Variants in PHLPP1 observed in about 807,000 individuals in gnomAD.
The protein encoded by PHLPP1 is PH domain leucine-rich repeat-containing protein phosphatase 1.
Under a neutral mutation model 117.2 loss-of-function variants are expected in PHLPP1, and 42 were observed. The ratio of observed to expected loss-of-function variants is 0.36; its 90% CI spans 0.28 to 0.46. The LOEUF is 0.46. Ranked by LOEUF, PHLPP1 falls within the 20% of genes least tolerant of loss-of-function variation. The pLI, the probability that PHLPP1 is intolerant of heterozygous loss-of-function variation, is 1.00. For synonymous variants in PHLPP1, 1,042 were observed against 970.7 expected, an observed-to-expected ratio of 1.07 and a Z score of -1.37; for missense variants, 2,084 against 2,241.9, an observed-to-expected ratio of 0.93 and a Z score of 1.42.
In PHLPP1 at chr18:62,921,360, T is replaced by A. The variant is rs187398531; in HGVS notation, c.2960+1246T>A. Among the ~76,000 whole-genome samples the A allele has an allele frequency of 8.7e-4, 133 of 152,346 alleles. 1 individual carries two copies. The highest frequency in any genetic ancestry group is 3.1e-3 in the African/African-American group (130 of 41,580). On this transcript the variant is annotated intron_variant, in intron 10 of 16. Coordinates refer to ENST00000262719, the MANE Select transcript of PHLPP1 (RefSeq NM_194449.4). ...ATCTTTTTACCTTACAAAATAAATGTTAGCTATGTTTCAGCATGTGTCATA... is the reference window on the plus strand; with the variant it reads ...ATCTTTTTACCTTACAAAATAAATGATAGCTATGTTTCAGCATGTGTCATA...
intron 3 of PHLPP1, among the ~76,000 whole-genome samples, chr18:62,858,660 G>A (rs1348189039): frequency 6.6e-6 from 1 of 152,162 alleles, no homozygotes; most frequent in African/African-American, 2.4e-5. Flanking sequence ...AGCTGGGTAT[G>A]GTGGCTCATG....
At chr18:62,747,639 C>G in intron 1 of PHLPP1, among the ~76,000 whole-genome samples, 1 of 151,872 alleles carries the variant, frequency 6.6e-6, no homozygotes, top group Non-Finnish European at 1.5e-5. Context: ...ACCTCAGCCT[C>G]CTGAGTAGGT....
Position 62,860,619 on chromosome 18 carries a change from G to A in PHLPP1, c.2066+18G>A. The A allele has an allele frequency of 6.2e-7, 1 of 1,601,244 alleles. No homozygotes were observed. The highest frequency in any genetic ancestry group is 8.5e-7 in the Non-Finnish European group (1 of 1,172,128). Reference sequence around the variant, plus strand: ...CTGCAAAGGTAAGCCTGCAGAAATGGGTAGATCATTAGGAAGGGGTGGGGG... The same window carrying A: ...CTGCAAAGGTAAGCCTGCAGAAATGAGTAGATCATTAGGAAGGGGTGGGGG... On this transcript the variant is annotated intron_variant, in intron 4 of 16. Transcript: ENST00000262719.
chr18:62,863,474 AT>A (rs1915685998), intron 4 of PHLPP1, among the ~76,000 whole-genome samples: 1 of 152,182 alleles, frequency 6.6e-6, no homozygotes, highest in Middle Eastern at 3.2e-3. Context: ...AAGTGCTGGG[AT>A]TACAGGCATG....
chr18:62,771,932 A>G (rs1189799566), intron 1 of PHLPP1, among the ~76,000 whole-genome samples: 2 of 152,176 alleles, frequency 1.3e-5, no homozygotes, highest in Admixed American at 1.3e-4. Context: ...AAAAAGTTTC[A>G]GATTTGGGAG....
chr18:62,800,928 A>C (rs1355620556), intron 1 of PHLPP1, among the ~76,000 whole-genome samples: 2 of 151,922 alleles, frequency 1.3e-5, no homozygotes, highest in East Asian at 3.9e-4. Context: ...ACTTTTACTT[A>C]ACCAGAAATT....
intron 4 of PHLPP1, among the ~76,000 whole-genome samples, chr18:62,884,067 C>T (rs1023382401): frequency 6.6e-6 from 1 of 152,146 alleles, no homozygotes; most frequent in South Asian, 2.1e-4. Flanking sequence ...TGTCAATCAG[C>T]GGAGGAATGG....
intron 10 of PHLPP1, among the ~76,000 whole-genome samples, chr18:62,931,672 A>G (rs1053305746): frequency 2.6e-5 from 4 of 151,744 alleles, no homozygotes; most frequent in Non-Finnish European, 4.4e-5. Flanking sequence ...AGGCAGGTGG[A>G]TCATAAGGTC....
chr18:62,973,192 A>G (rs970084446), intron 15 of PHLPP1, among the ~76,000 whole-genome samples: 5 of 152,232 alleles, frequency 3.3e-5, no homozygotes, highest in Non-Finnish European at 7.3e-5. Flanking sequence ...CAAGAGTTAA[A>G]TCATTCTTTA....
intron 4 of PHLPP1, 26 bp from the exon 5 acceptor site, chr18:62,894,985 C>G: frequency 6.5e-7 from 1 of 1,542,630 alleles, no homozygotes. Context: ...CTCTTTTTTC[C>G]CTTTTGTTTT....
chr18:62,821,865 C>T (rs75137839), intron 1 of PHLPP1, among the ~76,000 whole-genome samples: 1 of 152,002 alleles, frequency 6.6e-6, no homozygotes, highest in South Asian at 2.1e-4. Context: ...AATTCTCCCA[C>T]CTCCTACTCA....
intron 10 of PHLPP1, among the ~76,000 whole-genome samples, chr18:62,922,159 G>A (rs1203812575): frequency 1.3e-5 from 2 of 150,978 alleles, no homozygotes; most frequent in South Asian, 2.1e-4. Flanking sequence ...TTTTGGAGAC[G>A]GAGTCTAGCT....
chr18:62,823,958 C>G (rs1914538843), intron 1 of PHLPP1, among the ~76,000 whole-genome samples: 1 of 151,912 alleles, frequency 6.6e-6, no homozygotes, highest in African/African-American at 2.4e-5. Context: ...ATGGTGAAAC[C>G]CCATCTCTAC....
rs1214483719 is a variant in PHLPP1 at position 62,980,010 on chromosome 18, A to C, written c.*579A>C. On this transcript the variant is annotated 3_prime_UTR_variant, in exon 17 of 17. Transcript: ENST00000262719. ...AGAGAACAGCTGATTGAGAATTTCC[A>C]TTGTAAATAGCTCAGTGTTGTATAG... 1 of 154,900 alleles carries C rather than the reference A, an allele frequency of 6.5e-6. No individual in the cohort carries two copies. The highest frequency in any genetic ancestry group is 2.4e-5 in the African/African-American group (1 of 41,468). The allele number at this position is 154,900 out of a possible 1,614,324, so 9.6% of individuals were successfully genotyped here.
chr18:62,938,401 T>C (rs1007865044), intron 10 of PHLPP1, among the ~76,000 whole-genome samples: 4 of 152,224 alleles, frequency 2.6e-5, no homozygotes, highest in Non-Finnish European at 5.9e-5. Flanking sequence ...TTGTTCGTTC[T>C]GGTGGAAGGA....
In PHLPP1 at chr18:62,717,266, A is replaced by G. The variant is rs541178766; in HGVS notation, c.1576+7A>G. The G allele has an allele frequency of 2.6e-6, 4 of 1,562,460 alleles. No individual in the cohort carries two copies. In the South Asian group the frequency reaches 4.8e-5, roughly 19 times the overall value. On this transcript the variant is annotated splice_region_variant and intron_variant, in intron 1 of 16. Coordinates refer to ENST00000262719, the MANE Select transcript of PHLPP1 (RefSeq NM_194449.4). Reference sequence around the variant, plus strand: ...CTCATCCGCTTCTATGCAGGTAAGGAAGTCACCTGCCTTGACGGGTGGTTG... The same window carrying G: ...CTCATCCGCTTCTATGCAGGTAAGGGAGTCACCTGCCTTGACGGGTGGTTG...
At chr18:62,912,198 T>C (rs1916970836) in intron 8 of PHLPP1, among the ~76,000 whole-genome samples, 1 of 148,208 alleles carries the variant, frequency 6.7e-6, no homozygotes, top group Non-Finnish European at 1.5e-5. Context: ...ATATACCTAA[T>C]GCTAGATGAC....
intron 1 of PHLPP1, among the ~76,000 whole-genome samples, chr18:62,717,563 AG>A (rs1414183328): frequency 3.9e-5 from 6 of 152,162 alleles, no homozygotes; most frequent in African/African-American, 1.4e-4. Context: ...TTAACCATAA[AG>A]GTGCTTCCTC....
chr18:62,770,409 C>T (rs561707096), intron 1 of PHLPP1, among the ~76,000 whole-genome samples: 1 of 152,324 alleles, frequency 6.6e-6, no homozygotes, highest in Admixed American at 6.5e-5. Flanking sequence ...CGTGCCCGGC[C>T]TACTCTGGTT....
Sources: allele counts gnomAD v4.1 joint callset (sites outside exome capture counted in the v4.1 genomes callset), GRCh38; gene constraint gnomAD v4.1.1; transcripts MANE v1.5; gene names NCBI Gene and HGNC (gene_info 2026-07-23, HGNC 2026-07-21).